The following NREP variants were observed in gnomAD, a reference collection of about 807,000 sequenced individuals.
The protein encoded by NREP is neuronal regeneration-related protein.
Under a neutral mutation model 8.6 loss-of-function variants are expected in NREP, and 5 were observed. That is an observed-to-expected ratio of 0.58 (90% CI 0.30 to 1.22). The LOEUF is 1.22. NREP is among the 50% of genes most tolerant of loss of function. NREP has a pLI of 0.07. For synonymous variants in NREP, 27 were observed against 28.0 expected (o/e 0.96, Z 0.11); for missense variants, 86 against 82.5 (o/e 1.04, Z -0.17).
chr5:111,843,960 G>T (rs1753094803), intron 2 of NREP, among the ~76,000 whole-genome samples: 1 of 152,180 alleles, frequency 6.6e-6, no homozygotes. Context: ...TCTCAGATTT[G>T]ATTTCCTAAA....
intron 2 of NREP, among the ~76,000 whole-genome samples, chr5:111,921,187 G>A (rs1755228889): frequency 6.6e-6 from 1 of 152,092 alleles, no homozygotes; most frequent in Non-Finnish European, 1.5e-5. Flanking sequence ...TCCCTCAGGA[G>A]TGGAGACCCT....
At chr5:111,765,559 G>A (rs1319222627) in intron 2 of NREP, among the ~76,000 whole-genome samples, 1 of 152,234 alleles carries the variant, frequency 6.6e-6, no homozygotes, top group Non-Finnish European at 1.5e-5. Context: ...AACTGAGGTG[G>A]AGAAAGGTTA....
At chr5:111,928,736 G>A (rs1399773176) in intron 2 of NREP, among the ~76,000 whole-genome samples, 1 of 152,132 alleles carries the variant, frequency 6.6e-6, no homozygotes. Context: ...GAAGTGGGAG[G>A]AAGTCAGCTG....
At chr5:111,831,937 T>C (rs1431157695) in intron 2 of NREP, among the ~76,000 whole-genome samples, 1 of 152,126 alleles carries the variant, frequency 6.6e-6, no homozygotes, top group Non-Finnish European at 1.5e-5. Flanking sequence ...CTGGGTTGAG[T>C]ACACTGCTTG....
upstream of NREP, among the ~76,000 whole-genome samples, chr5:111,762,658 G>A (rs1750987858): frequency 6.6e-6 from 1 of 152,100 alleles, no homozygotes; most frequent in African/African-American, 2.4e-5. Flanking sequence ...CGAAGATGTG[G>A]GAAGAAACAC....
chr5:111,845,346 G>T (rs1158953323), intron 2 of NREP, among the ~76,000 whole-genome samples: 1 of 151,138 alleles, frequency 6.6e-6, no homozygotes, highest in East Asian at 1.9e-4. Context: ...CAGAGCTCTT[G>T]TGAAAGTATG....
At chr5:111,849,327 G>A (rs913579109) in intron 2 of NREP, among the ~76,000 whole-genome samples, 1 of 152,152 alleles carries the variant, frequency 6.6e-6, no homozygotes, top group African/African-American at 2.4e-5. Flanking sequence ...CCAGTCAGCT[G>A]AAGAAATTGA....
At chr5:111,898,271 A>G (rs193064689) in intron 2 of NREP, among the ~76,000 whole-genome samples, 49 of 152,298 alleles carry the variant, frequency 3.2e-4, no homozygotes, top group Admixed American at 1.3e-3. Flanking sequence ...ACAAGAGATA[A>G]AGATGAATTG....
At chr5:111,747,794 A>G (rs1283688595) in intron 2 of NREP, among the ~76,000 whole-genome samples, 1 of 152,172 alleles carries the variant, frequency 6.6e-6, no homozygotes, top group African/African-American at 2.4e-5. Context: ...CCATGAAAAT[A>G]AGGAGGAACA....
intron 2 of NREP, among the ~76,000 whole-genome samples, chr5:111,771,924 A>C (rs1055512469): frequency 1.3e-5 from 2 of 152,180 alleles, no homozygotes; most frequent in African/African-American, 4.8e-5. Flanking sequence ...TGAAGCAAAA[A>C]AACTGTGATT....
At chr5:111,949,825 A>G (rs1017463844) in intron 2 of NREP, among the ~76,000 whole-genome samples, 1 of 152,108 alleles carries the variant, frequency 6.6e-6, no homozygotes, top group African/African-American at 2.4e-5. Flanking sequence ...AATCCAGTCT[A>G]TCATTGATGG....
At chr5:111,932,877 C>A (rs575558384) in intron 2 of NREP, among the ~76,000 whole-genome samples, 3 of 152,088 alleles carry the variant, frequency 2.0e-5, no homozygotes, top group African/African-American at 4.8e-5. Flanking sequence ...GTGAGTGAAG[C>A]CCCACACTCC....
chr5:111,926,513 T>C (rs1755390028), intron 2 of NREP, among the ~76,000 whole-genome samples: 1 of 151,994 alleles, frequency 6.6e-6, no homozygotes, highest in African/African-American at 2.4e-5. Flanking sequence ...AAAGATCTAA[T>C]TGTTGGATAA....
intron 2 of NREP, among the ~76,000 whole-genome samples, chr5:111,959,494 A>G (rs1011043797): frequency 3.3e-5 from 5 of 152,070 alleles, no homozygotes; most frequent in African/African-American, 9.6e-5. Context: ...TAGTCTAAAC[A>G]TGATTAAAAG....
chr5:111,833,818 G>C (rs1162378698), intron 2 of NREP, among the ~76,000 whole-genome samples: 1 of 152,176 alleles, frequency 6.6e-6, no homozygotes, highest in Non-Finnish European at 1.5e-5. Context: ...GTGGGTATTA[G>C]TGGGAGACAA....
intron 2 of NREP, among the ~76,000 whole-genome samples, chr5:111,908,500 A>C (rs1041836871): frequency 3.9e-5 from 6 of 152,016 alleles, no homozygotes; most frequent in Non-Finnish European, 8.8e-5. Flanking sequence ...CCCAATATTT[A>C]GTTTCCACTT....
rs560888970 is a variant in NREP at position 111,914,025 on chromosome 5, T to C, written c.135+61249A>G. Among the ~76,000 whole-genome samples, 450 of 152,262 alleles carry C rather than the reference T, an allele frequency of 3.0e-3. 1 individual carries two copies. Among genetic ancestry groups the C allele is most frequent in the Admixed American group, 4.8e-3 (74 of 15,274 alleles). On this transcript the variant is annotated intron_variant, in intron 2 of 3. Coordinates refer to the NREP transcript ENST00000395634. ...TGGTGGCTGCTGGTACTTTTAGATA[T>C]GAGTCAATTTAGTAGATAAAACTTT...
intron 2 of NREP, chr5:111,975,215 A>C: frequency 7.9e-7 from 1 of 1,263,586 alleles, no homozygotes. Context: ...CATGTGATGG[A>C]AACCCAACTT....
intron 2 of NREP, among the ~76,000 whole-genome samples, chr5:111,819,704 G>T (rs1335648340): frequency 6.6e-6 from 1 of 152,104 alleles, no homozygotes; most frequent in Non-Finnish European, 1.5e-5. Flanking sequence ...TATTTTTAAA[G>T]ACACCTTATT....
Sources: allele counts gnomAD v4.1 joint callset (sites outside exome capture counted in the v4.1 genomes callset), GRCh38; gene constraint gnomAD v4.1.1; transcripts MANE v1.5; gene names NCBI Gene and HGNC (gene_info 2026-07-23, HGNC 2026-07-21).